Variants in PTPRG observed in about 807,000 individuals in gnomAD.
PTPRG encodes protein tyrosine phosphatase receptor type G.
In PTPRG, 102 loss-of-function variants were observed where a neutral mutation model predicts 165.3. The ratio of observed to expected loss-of-function variants is 0.62; its 90% CI spans 0.53 to 0.73. The LOEUF is 0.73. Among genes scored for constraint, PTPRG ranks in the 30% least tolerant of loss-of-function variants. The probability of loss-of-function intolerance (pLI) is 0.00; values close to 1 mark genes in which losing one functional copy is unlikely to be tolerated. For missense variants in PTPRG, 1,866 were observed against 1,861.4 expected (o/e 1.00, Z -0.05); for synonymous variants, 675 against 669.5 (o/e 1.01, Z -0.13).
intron 2 of PTPRG, among the ~76,000 whole-genome samples, chr3:61,856,214 G>A (rs903316667): frequency 1.3e-5 from 2 of 151,574 alleles, no homozygotes; most frequent in East Asian, 1.9e-4. Context: ...TAGTATATTC[G>A]CAGTGTGATG....
intron 2 of PTPRG, among the ~76,000 whole-genome samples, chr3:61,837,249 T>C (rs146962754): frequency 5.4e-4 from 82 of 152,344 alleles, no homozygotes; most frequent in Non-Finnish European, 9.4e-4. Flanking sequence ...TGTTTTGCCA[T>C]GTTGGCCAGG....
At chr3:62,242,523 C>T (rs940426872) in intron 14 of PTPRG, among the ~76,000 whole-genome samples, 8 of 152,192 alleles carry the variant, frequency 5.3e-5, no homozygotes. Context: ...AAGAACAGCG[C>T]TTCATACTAT....
intron 4 of PTPRG, among the ~76,000 whole-genome samples, chr3:62,034,842 G>A (rs1699892021): frequency 6.6e-6 from 1 of 152,220 alleles, no homozygotes; most frequent in Admixed American, 6.5e-5. Context: ...CCCGCAGCCA[G>A]CTGCTGGAGG....
chr3:62,111,169 C>G (rs187693166), intron 5 of PTPRG, among the ~76,000 whole-genome samples: 4 of 152,348 alleles, frequency 2.6e-5, no homozygotes, highest in African/African-American at 9.6e-5. Context: ...TTGAGTGGAA[C>G]TGTGTCCCCT....
chr3:61,752,790 A>AAAAAAAAAAAAG (rs1285902277), intron 2 of PTPRG, among the ~76,000 whole-genome samples: 3 of 105,694 alleles, frequency 2.8e-5, no homozygotes, highest in East Asian at 4.7e-4. Context: ...TGTCTCAAAA[A>AAAAAAAAAAAAG]AAAAAAAAAA....
intron 1 of PTPRG, among the ~76,000 whole-genome samples, chr3:61,577,074 T>C (rs1012605358): frequency 6.6e-6 from 1 of 152,370 alleles, no homozygotes; most frequent in Middle Eastern, 3.4e-3. Flanking sequence ...CTCTGTTGTT[T>C]ATACCTGACA....
At position 61,730,380 on chromosome 3, in the gene PTPRG, G is replaced by T. The variant is rs149144797; in HGVS notation, c.86-18498G>T. 1.8e-4 allele frequency among the ~76,000 whole-genome samples: 28 copies of T among 152,276 alleles called. No individual in the cohort carries two copies. The South Asian group carries it at 2.9e-3, about 16-fold the overall frequency. ...ACACATTTTTATCTCCAGGCTTTCT[G>T]CAAACACATCATTTTAGAGGGCTTA... On this transcript the variant is annotated intron_variant, in intron 1 of 29. Coordinates refer to ENST00000474889, the MANE Select transcript of PTPRG (RefSeq NM_002841.4).
chr3:62,228,611 TGG>T lies in PTPRG; in HGVS notation c.2289-2613_2289-2612del, dbSNP rs1162392725. ...GAGATGACCCAGAAGCACTGGATCATGGCACATTCATTATTTCTTAGGGCAAA... is the reference window on the plus strand; with the variant it reads ...GAGATGACCCAGAAGCACTGGATCATCACATTCATTATTTCTTAGGGCAAA... On this transcript the variant is annotated intron_variant, in intron 13 of 29. Transcript: ENST00000474889. The surrounding 1 kb of genome is among the most constrained non-coding windows in gnomAD (Gnocchi z 4.1). Among the ~76,000 whole-genome samples, 18 of 152,230 alleles carry T rather than the reference TGG, an allele frequency of 1.2e-4. No homozygotes were observed. In the East Asian group the frequency reaches 3.3e-3, roughly 28 times the overall value.
At chr3:62,051,463 G>T (rs1239202602) in intron 4 of PTPRG, among the ~76,000 whole-genome samples, 1 of 152,090 alleles carries the variant, frequency 6.6e-6, no homozygotes, top group Non-Finnish European at 1.5e-5. Context: ...CTTTATAAAA[G>T]CCATTTGCAG....
At chr3:61,836,798 G>A (rs1381597102) in intron 2 of PTPRG, among the ~76,000 whole-genome samples, 3 of 152,092 alleles carry the variant, frequency 2.0e-5, no homozygotes, top group African/African-American at 7.2e-5. Flanking sequence ...AGGCTGGAGT[G>A]CAATGGCACA....
chr3:61,813,456 C>T (rs1282832213), intron 2 of PTPRG, among the ~76,000 whole-genome samples: 2 of 141,512 alleles, frequency 1.4e-5, no homozygotes, highest in Admixed American at 7.5e-5. Flanking sequence ...GCAGAGGTTG[C>T]GTTGAGCTGA....
chr3:62,273,949 A>G lies in PTPRG; in HGVS notation c.3465+105A>G. The G allele has an allele frequency of 8.7e-7, 1 of 1,148,818 alleles. No individual in the cohort carries two copies. The highest frequency in any genetic ancestry group is 1.5e-5 in the South Asian group (1 of 68,678). The allele number at this position is 1,148,818 out of a possible 1,614,324, so 71.2% of individuals were successfully genotyped here. A position where few individuals can be genotyped will look rare whatever the true frequency, so the allele number is the denominator to read the frequency against. ...TGCATTAATGTATACACCGAAATGG[A>G]TTACTATTTGTACTCCTTGTACTCC... On this transcript the variant is annotated intron_variant, in intron 23 of 29. Coordinates refer to ENST00000474889, the MANE Select transcript of PTPRG (RefSeq NM_002841.4). This position sits in a 1 kb window ranked among gnomAD's most constrained non-coding sequence, Gnocchi z 4.1.
chr3:62,016,365 A>G (rs1011373820), intron 4 of PTPRG, among the ~76,000 whole-genome samples: 3 of 152,020 alleles, frequency 2.0e-5, no homozygotes, highest in African/African-American at 7.2e-5. Flanking sequence ...ACGGAGTTTC[A>G]CTATGTTGGC....
intron 4 of PTPRG, among the ~76,000 whole-genome samples, chr3:62,027,575 C>G (rs1699605796): frequency 2.0e-5 from 3 of 152,094 alleles, no homozygotes; most frequent in African/African-American, 2.4e-5. Flanking sequence ...GCCTCTACAC[C>G]CTGCAAAATC....
At chr3:61,714,671 T>C (rs144952572) in intron 1 of PTPRG, among the ~76,000 whole-genome samples, 370 of 152,342 alleles carry the variant, frequency 2.4e-3, no homozygotes, top group African/African-American at 8.7e-3. Flanking sequence ...AAGGATCATA[T>C]GTTTGCTAAA....
intron 7 of PTPRG, among the ~76,000 whole-genome samples, chr3:62,166,197 C>CTTTTTTTTTTTTTTTTTTTTTTTTTTTTT (rs564761041): frequency 3.7e-5 from 2 of 53,900 alleles, no homozygotes; most frequent in African/African-American, 7.5e-5. Context: ...AATTACAGTT[C>CTTTTTTTTTTTTTTTTTTTTTTTTTTTTT]TTTTTTTTTT....
intron 13 of PTPRG, among the ~76,000 whole-genome samples, chr3:62,221,427 T>C (rs1428052246): frequency 6.6e-6 from 1 of 152,232 alleles, no homozygotes; most frequent in African/African-American, 2.4e-5. Context: ...ATGAGTTGGC[T>C]AAGCATACAG....
intron 2 of PTPRG, among the ~76,000 whole-genome samples, chr3:61,898,207 T>C (rs2107514941): frequency 6.6e-6 from 1 of 152,260 alleles, no homozygotes; most frequent in African/African-American, 2.4e-5. Context: ...TCTGTAGGTG[T>C]TCCTTCTGAT....
chr3:62,110,049 T>A (rs112498441), intron 5 of PTPRG, among the ~76,000 whole-genome samples: 22 of 150,932 alleles, frequency 1.5e-4, no homozygotes, highest in Admixed American at 6.6e-4. Flanking sequence ...CTTAGTTTCT[T>A]CCTTGTTCAG....
Sources: allele counts gnomAD v4.1 joint callset (sites outside exome capture counted in the v4.1 genomes callset), GRCh38; gene constraint gnomAD v4.1.1; non-coding constraint Gnocchi (gnomAD v3.1); transcripts MANE v1.5; gene names NCBI Gene and HGNC (gene_info 2026-07-23, HGNC 2026-07-21).